Variants in KDM4B observed in about 807,000 individuals in gnomAD.
KDM4B encodes the protein lysine-specific demethylase 4B.
A neutral mutation model predicts 125.2 loss-of-function variants in KDM4B; 32 were observed. The ratio of observed to expected loss-of-function variants is 0.26; its 90% confidence interval spans 0.19 to 0.34. The LOEUF (loss-of-function observed/expected upper bound fraction) is 0.34, where lower values mean the gene tolerates loss of function less well. Ranked by LOEUF, KDM4B falls within the 10% of genes least tolerant of loss-of-function variation. The pLI is 1.00. For missense variants in KDM4B, 1,190 were observed against 1,577.7 expected (o/e 0.75, Z 4.16); for synonymous variants, 721 against 677.9 (o/e 1.06, Z -0.99).
Position 5,138,072 on chromosome 19 carries a change from T to C in KDM4B, c.2550+2T>C, listed in dbSNP as rs2039680672. On this transcript the variant is annotated splice_donor_variant, in intron 18 of 22. Transcript: ENST00000159111. LOFTEE classifies it high-confidence loss of function. ...ATCCCCGAGCAGCGGTGGAAGCTGG[T>C]AGGTCCTTGCGGTCGAGGCCCACCC... is the stretch of plus-strand genomic sequence containing the variant. 1 of 1,610,364 alleles carries C rather than the reference T, an allele frequency of 6.2e-7. No homozygotes were observed. The highest frequency in any genetic ancestry group is 8.5e-7 in the Non-Finnish European group (1 of 1,178,784).
intron 18 of KDM4B, among the ~76,000 whole-genome samples, chr19:5,139,418 T>C (rs951189197): frequency 1.3e-5 from 2 of 152,190 alleles, no homozygotes; most frequent in Non-Finnish European, 2.9e-5. Flanking sequence ...GGTTTGGAGA[T>C]TCTGATGTCA....
At chr19:5,118,897 G>C (rs1006988805) in intron 10 of KDM4B, among the ~76,000 whole-genome samples, 1 of 152,144 alleles carries the variant, frequency 6.6e-6, no homozygotes, top group Non-Finnish European at 1.5e-5. Context: ...CGCCTGCCCC[G>C]TGAGCAGATC....
At chr19:5,121,655 A>G (rs1212438080) in intron 11 of KDM4B, among the ~76,000 whole-genome samples, 1 of 152,218 alleles carries the variant, frequency 6.6e-6, no homozygotes, top group African/African-American at 2.4e-5. Flanking sequence ...TTTATGGAGA[A>G]AATTAAGAGA....
At chr19:5,119,100 G>T (rs534767441) in intron 10 of KDM4B, 1 of 1,488,066 alleles carries the variant, frequency 6.7e-7, no homozygotes, top group Admixed American at 2.0e-5. Flanking sequence ...GAAAAAACCC[G>T]TGAAATTTAC....
At position 5,035,863 on chromosome 19, in the gene KDM4B, C is replaced by T. The variant is rs889260273; in HGVS notation, c.141+2832C>T. On this transcript the variant is annotated intron_variant, in intron 3 of 22. Coordinates refer to ENST00000159111, the MANE Select transcript of KDM4B (RefSeq NM_015015.3). The surrounding 1 kb of genome is among the most constrained non-coding windows in gnomAD (Gnocchi z 5.3). ...GGAGGGGCTGTGTGTGCACGTGTCTCTGTGTGTGTGTGTGTGTGCGCGCGC... is the reference window on the plus strand; with the variant it reads ...GGAGGGGCTGTGTGTGCACGTGTCTTTGTGTGTGTGTGTGTGTGCGCGCGC... Among the ~76,000 whole-genome samples, 1 of 142,188 alleles carries T rather than the reference C, an allele frequency of 7.0e-6. No individual in the cohort carries two copies. Among genetic ancestry groups the T allele is most frequent in the Admixed American group, 6.9e-5 (1 of 14,412 alleles). The allele number at this position is 142,188 out of a possible 152,430, so 93.3% of individuals were successfully genotyped here.
In KDM4B at chr19:5,151,763, G is replaced by A; in HGVS notation, c.*252G>A. The A allele has an allele frequency of 5.2e-6, 2 of 382,208 alleles. No individual in the cohort carries two copies. The highest frequency in any genetic ancestry group is 3.7e-5 in the East Asian group (1 of 26,764). The allele number at this position is 382,208 out of a possible 1,614,324, so 23.7% of individuals were successfully genotyped here. On this transcript the variant is annotated 3_prime_UTR_variant, in exon 23 of 23. Coordinates refer to ENST00000159111, the MANE Select transcript of KDM4B (RefSeq NM_015015.3). ...TCAACTACTCAGAATTTTAAACCAT[G>A]TAAGCTCTCTTCTTCTCGAAAAGGT...
intron 1 of KDM4B, among the ~76,000 whole-genome samples, chr19:4,994,618 T>C (rs2035143905): frequency 6.9e-6 from 1 of 145,860 alleles, no homozygotes; most frequent in Admixed American, 6.9e-5. Flanking sequence ...GTATATAGTA[T>C]AGTATATAGT....
chr19:5,032,193 G>T (rs1001828471), intron 2 of KDM4B, among the ~76,000 whole-genome samples: 2 of 152,242 alleles, frequency 1.3e-5, no homozygotes, highest in Admixed American at 1.3e-4. Context: ...CCAGGCGGGT[G>T]CCGTCAGTGA....
chr19:4,986,685 T>TCCCC (rs1187908966), intron 1 of KDM4B, among the ~76,000 whole-genome samples: 1 of 152,192 alleles, frequency 6.6e-6, no homozygotes, highest in Admixed American at 6.5e-5. Flanking sequence ...GGAGGGCCTC[T>TCCCC]CCCAGCAGGT....
rs2034265331 is a variant in KDM4B, at chr19:4,971,735, A to G, written c.-109+2505A>G. 6.6e-6 allele frequency among the ~76,000 whole-genome samples: 1 copy of G among 152,116 alleles called. No individual in the cohort carries two copies. The highest frequency in any genetic ancestry group is 2.1e-4 in the South Asian group (1 of 4,830). ...AGTCCGCTGCCCTCGGGCCCAGCTC[A>G]GGGAGCAGGCAGGAGGAGGCGAGGC... On this transcript the variant is annotated intron_variant, in intron 1 of 22. Transcript: ENST00000159111. This position sits in a 1 kb window ranked among gnomAD's most constrained non-coding sequence, Gnocchi z 4.1.
rs2038349503 is a variant in KDM4B at position 5,082,948 on chromosome 19, A to G, written c.918+444A>G. ...TCTCCTGGGGGCCGCTTGGCCAGGC[A>G]GGAGCCCACTCAGGCATCTGCCCCC... On this transcript the variant is annotated intron_variant, in intron 9 of 22. Transcript: ENST00000159111. The surrounding 1 kb of genome is among the most constrained non-coding windows in gnomAD (Gnocchi z 5.4). Among the ~76,000 whole-genome samples, 1 of 152,142 alleles carries G rather than the reference A, an allele frequency of 6.6e-6. No homozygotes were observed. Among genetic ancestry groups the G allele is most frequent in the Non-Finnish European group, 1.5e-5 (1 of 68,014 alleles).
chr19:5,005,191 C>T (rs538025935), intron 1 of KDM4B, among the ~76,000 whole-genome samples: 33 of 152,226 alleles, frequency 2.2e-4, no homozygotes, highest in Non-Finnish European at 7.3e-5. Flanking sequence ...CCCATGACAT[C>T]TGAGGCTACA....
At chr19:5,080,400 G>A (rs1047978165) in intron 8 of KDM4B, among the ~76,000 whole-genome samples, 2 of 152,200 alleles carry the variant, frequency 1.3e-5, no homozygotes, top group Admixed American at 6.5e-5. Context: ...CAAATGGCCC[G>A]ATGAATTCGG....
intron 15 of KDM4B, 60 bp downstream of exon 15, chr19:5,135,621 G>A: frequency 1.4e-6 from 2 of 1,395,338 alleles, no homozygotes; most frequent in East Asian, 2.5e-5. Flanking sequence ...TGGTGGGGGT[G>A]CCGGTGGGGG....
In KDM4B at chr19:5,114,351, C is replaced by G. The variant is rs1336742801; in HGVS notation, c.1115+3533C>G. 4.2e-6 allele frequency: 3 copies of G among 715,506 alleles called. No homozygotes were observed. The highest frequency in any genetic ancestry group is 4.3e-6 in the Non-Finnish European group (2 of 464,284). The allele number at this position is 715,506 out of a possible 1,614,324, so 44.3% of individuals were successfully genotyped here. On this transcript the variant is annotated intron_variant, in intron 10 of 22. Transcript: ENST00000159111. This position sits in a 1 kb window ranked among gnomAD's most constrained non-coding sequence, Gnocchi z 5.8. ...CCTCCGAGCTCGGTGCTGCCTGTCCCCTCCTGCTCTGCCTTGGCCTGTCGC... is the reference window on the plus strand; with the variant it reads ...CCTCCGAGCTCGGTGCTGCCTGTCCGCTCCTGCTCTGCCTTGGCCTGTCGC...
At chr19:5,127,138 G>T (rs1022523874) in intron 11 of KDM4B, among the ~76,000 whole-genome samples, 1 of 152,196 alleles carries the variant, frequency 6.6e-6, no homozygotes, top group Non-Finnish European at 1.5e-5. Flanking sequence ...GCCTCAGCTG[G>T]CTGCCCTCGG....
At position 5,151,479 on chromosome 19, in the gene KDM4B, C is replaced by T; in HGVS notation, c.3259C>T (p.Gln1087Ter). The change falls in exon 23 of 23, where the codon CAG becomes TAG. Residue 1087 changes from glutamine to a stop codon, truncating the protein, a stop_gained. Transcript: ENST00000159111. LOFTEE classifies it high-confidence loss of function. ...DYVAFVESLL[Q>*]VQGRPGAPF The stretch of plus-strand genomic sequence containing the variant: ...CGTGGCCTTCGTGGAGAGCCTCCTG[C>T]AGGTGCAGGGCCGGCCCGGAGCCCC... The T allele has an allele frequency of 6.7e-7, 1 of 1,501,390 alleles. No homozygotes were observed. Among genetic ancestry groups the T allele is most frequent in the Non-Finnish European group, 8.9e-7 (1 of 1,124,712 alleles). 93.0% of individuals were successfully genotyped at this position (1,501,390 alleles called of 1,614,324 possible).
At chr19:5,084,586 AATATAAATT>A (rs1335189292) in intron 9 of KDM4B, among the ~76,000 whole-genome samples, 15 of 142,180 alleles carry the variant, frequency 1.1e-4, no homozygotes, top group East Asian at 5.9e-4. Context: ...ATTATATATA[AATATAAATT>A]ATATAAATTA....
At chr19:5,055,059 A>G (rs1436765716) in intron 6 of KDM4B, among the ~76,000 whole-genome samples, 1 of 152,278 alleles carries the variant, frequency 6.6e-6, no homozygotes, top group African/African-American at 2.4e-5. Flanking sequence ...TGTGGGGCAC[A>G]GGTGCCAGAA....
Sources: gnomAD v4.1 joint callset for allele counts (sites outside exome capture counted in the v4.1 genomes callset) on GRCh38, gnomAD v4.1.1 for gene constraint, Gnocchi (gnomAD v3.1) non-coding constraint, MANE v1.5 for transcripts, NCBI Gene and HGNC (gene_info 2026-07-23, HGNC 2026-07-21) for gene names.